Variants in CD300LD observed in about 807,000 individuals in gnomAD.
CD300LD encodes the protein CD300 molecule like family member d, also known as CMRF35-like molecule 5.
Under a neutral mutation model 20.3 loss-of-function variants are expected in CD300LD, and 18 were observed. The observed-to-expected ratio is 0.89, with a 90% CI of 0.61 to 1.32. CD300LD has a LOEUF of 1.32. CD300LD is among the 40% of genes most tolerant of loss of function. CD300LD has a pLI of 0.00. For synonymous variants in CD300LD, 104 were observed against 90.1 expected, an observed-to-expected ratio of 1.15 and a Z score of -0.87; for missense variants, 195 against 226.6, an observed-to-expected ratio of 0.86 and a Z score of 0.90.
chr17:74,579,756 G>A lies in CD300LD; in HGVS notation c.*246C>T, dbSNP rs1055422932. On this transcript the variant is annotated 3_prime_UTR_variant, in exon 4 of 4. Coordinates refer to ENST00000375352, the MANE Select transcript of CD300LD (RefSeq NM_001115152.2). ...AAAAATTAGCTGGGGGTGGTGGCAT[G>A]TGCCTGTAGCCCCAGCTACTCTGGA... The A allele has an allele frequency of 3.8e-6, 1 of 265,210 alleles. No homozygotes were observed. Among genetic ancestry groups the A allele is most frequent in the Non-Finnish European group, 7.4e-6 (1 of 135,450 alleles). 16.4% of individuals were successfully genotyped at this position (265,210 alleles called of 1,614,324 possible).
intron 1 of CD300LD, chr17:74,590,686 G>A (rs1032434067): frequency 6.6e-6 from 1 of 151,968 alleles, no homozygotes; most frequent in Non-Finnish European, 1.5e-5. Flanking sequence ...ATGGGTATAG[G>A]GGCTTCATTT....
At position 74,579,843 on chromosome 17, in the gene CD300LD, C is replaced by T. The variant is rs796296887; in HGVS notation, c.*159G>A. 1.0e-5 allele frequency: 5 copies of T among 498,704 alleles called. No homozygotes were observed. Among genetic ancestry groups the T allele is most frequent in the African/African-American group, 7.8e-5 (4 of 51,530 alleles). The allele number at this position is 498,704 out of a possible 1,614,324, so 30.9% of individuals were successfully genotyped here. A position where few individuals can be genotyped will look rare whatever the true frequency, so the allele number is the denominator to read the frequency against. On this transcript the variant is annotated 3_prime_UTR_variant, in exon 4 of 4. Transcript: ENST00000375352. The stretch of plus-strand genomic sequence containing the variant: ...AAAGTTGCAGTGAGCAGAGATTACA[C>T]CATTGCATTCCAGCCTGGGTGACAG...
chr17:74,592,217 TC>T lies in CD300LD; in HGVS notation c.-16del. 4 of 1,614,180 alleles carry T rather than the reference TC, an allele frequency of 2.5e-6. No individual in the cohort carries two copies. Among genetic ancestry groups the T allele is most frequent in the Non-Finnish European group, 3.4e-6 (4 of 1,180,020 alleles). ...GACAGCCACATGGTCCTGTCTCCTC[TC>T]CTCTCCTTGGTGATCACAGGTGTCT... is the stretch of plus-strand genomic sequence containing the variant. On this transcript the variant is annotated 5_prime_UTR_variant, in exon 1 of 4. Transcript: ENST00000375352.
At chr17:74,582,085 T>TA in intron 3 of CD300LD, 133 bp downstream of exon 3, 1 of 627,954 alleles carries the variant, frequency 1.6e-6, no homozygotes, top group Non-Finnish European at 2.8e-6. Context: ...ATACTTATGC[T>TA]AAAAAATGTT....
intron 2 of CD300LD, among the ~76,000 whole-genome samples, chr17:74,587,531 C>T (rs1022688869): frequency 3.9e-5 from 6 of 152,144 alleles, no homozygotes; most frequent in African/African-American, 1.4e-4. Flanking sequence ...TATCTCATTT[C>T]ATTGATTTTT....
At chr17:74,591,256 A>AT (rs894101193) in intron 1 of CD300LD, among the ~76,000 whole-genome samples, 21 of 71,950 alleles carry the variant, frequency 2.9e-4, no homozygotes, top group Non-Finnish European at 3.8e-4. Flanking sequence ...TCTACAAAAA[A>AT]AAAAAAAATA....
chr17:74,590,459 T>G (rs2030283913), intron 1 of CD300LD: 1 of 152,150 alleles, frequency 6.6e-6, no homozygotes, highest in Non-Finnish European at 1.5e-5. Context: ...TTATTATTAT[T>G]ATTATTACCC....
At chr17:74,589,626 G>C (rs984150665) in intron 1 of CD300LD, among the ~76,000 whole-genome samples, 1 of 152,176 alleles carries the variant, frequency 6.6e-6, no homozygotes, top group Non-Finnish European at 1.5e-5. Flanking sequence ...TAGTCTCCAT[G>C]AACTTGTCAG....
chr17:74,591,675 A>G (rs368798569), intron 1 of CD300LD, among the ~76,000 whole-genome samples: 128 of 152,314 alleles, frequency 8.4e-4, no homozygotes, highest in African/African-American at 2.9e-3. Flanking sequence ...GAGAAACCAA[A>G]TGTGGTATAT....
At position 74,588,637 on chromosome 17, in the gene CD300LD, G is replaced by C. The variant is rs1035901556; in HGVS notation, c.253C>G (p.Gln85Glu). The C allele has an allele frequency of 5.6e-6, 9 of 1,614,072 alleles. No homozygotes were observed. The highest frequency in any genetic ancestry group is 7.6e-6 in the Non-Finnish European group (9 of 1,179,960). The change falls in exon 2 of 4, where the codon CAG becomes GAG. Residue 85 changes from glutamine (Q) to glutamate (E), a missense_variant. By Grantham distance (29) the Gln-to-Glu change is conservative. Transcript: ENST00000375352. ...GTCACGGTGAACACGTGGTTTTTCT[G>C]ATTGTCCCTGATGGAAACTCGATTC... ...KKNRVSIRDN[Q>E]KNHVFTVTME...
chr17:74,592,124 G>T (rs916785764), intron 1 of CD300LD, 39 bp downstream of exon 1: 4 of 1,613,978 alleles, frequency 2.5e-6, no homozygotes, highest in Admixed American at 3.3e-5. Flanking sequence ...CAAGCCAGCC[G>T]CTGTCATTCC....
rs1274633031 is a variant in CD300LD, at chr17:74,581,799, G to A, written c.473+419C>T. On this transcript the variant is annotated intron_variant, in intron 3 of 3. Transcript: ENST00000375352. ...TCATGTGGTGGCTCATGTCTGTGCT[G>A]CAGAGTTTGCCTTCATGTAGCCAAC... is the stretch of plus-strand genomic sequence containing the variant. Among the ~76,000 whole-genome samples the A allele has an allele frequency of 2.9e-5, 4 of 139,416 alleles. 1 individual carries two copies. Among genetic ancestry groups the A allele is most frequent in the South Asian group, 4.3e-4 (2 of 4,638 alleles). The allele number at this position is 139,416 out of a possible 152,430, so 91.5% of individuals were successfully genotyped here. A position where few individuals can be genotyped will look rare whatever the true frequency, so the allele number is the denominator to read the frequency against.
At chr17:74,583,938 G>A (rs2464696) in intron 2 of CD300LD, among the ~76,000 whole-genome samples, 4 of 151,768 alleles carry the variant, frequency 2.6e-5, no homozygotes, top group East Asian at 1.9e-4. Context: ...ATTTTTAGTA[G>A]AGATGGGGTT....
intron 1 of CD300LD, 113 bp downstream of exon 1, chr17:74,592,050 G>C: frequency 6.2e-7 from 1 of 1,607,024 alleles, no homozygotes; most frequent in Non-Finnish European, 8.5e-7. Flanking sequence ...GGCATGGATG[G>C]ATGAATTGGC....
chr17:74,591,496 A>G (rs2030316932), intron 1 of CD300LD, among the ~76,000 whole-genome samples: 1 of 152,110 alleles, frequency 6.6e-6, no homozygotes, highest in African/African-American at 2.4e-5. Flanking sequence ...CTTCCTCAAA[A>G]AGTTAAACAT....
intron 2 of CD300LD, 71 bp downstream of exon 2, chr17:74,588,440 T>C: frequency 1.0e-6 from 1 of 968,516 alleles, no homozygotes. Flanking sequence ...GTTAATTTAC[T>C]CAAGTGGGAC....
intron 2 of CD300LD, among the ~76,000 whole-genome samples, chr17:74,586,861 T>C (rs183263605): frequency 9.3e-4 from 141 of 152,362 alleles, no homozygotes; most frequent in Non-Finnish European, 1.6e-3. Flanking sequence ...TCACAAGGTC[T>C]TTGGGTTTTT....
intron 2 of CD300LD, among the ~76,000 whole-genome samples, chr17:74,586,949 A>C (rs1389924260): frequency 2.0e-5 from 3 of 152,176 alleles, no homozygotes; most frequent in Non-Finnish European, 4.4e-5. Flanking sequence ...TGGGAGTTCG[A>C]GACCAGCCTG....
At chr17:74,578,889 G>A (rs1465588938), downstream of CD300LD, among the ~76,000 whole-genome samples, 1 of 152,162 alleles carries the variant, frequency 6.6e-6, no homozygotes, top group East Asian at 1.9e-4. Context: ...AGGCGGTACT[G>A]AGGACCCAGC....
Sources: gnomAD v4.1 joint callset for allele counts (sites outside exome capture counted in the v4.1 genomes callset) on GRCh38, gnomAD v4.1.1 for gene constraint, MANE v1.5 for transcripts, NCBI Gene and HGNC (gene_info 2026-07-23, HGNC 2026-07-21) for gene names.